PKNOX2: variants seen among roughly 807,000 people sequenced by gnomAD.
PKNOX2 encodes the protein PBX/knotted 1 homeobox 2.
PKNOX2 carries 14 observed loss-of-function variants against 53.1 expected under a neutral mutation model. The observed-to-expected ratio is 0.26, with a 90% confidence interval of 0.17 to 0.41. The LOEUF (loss-of-function observed/expected upper bound fraction) is 0.41. Ranked by LOEUF, PKNOX2 falls within the 10% of genes least tolerant of loss-of-function variation. PKNOX2 has a pLI of 1.00. For synonymous variants in PKNOX2, 257 were observed against 242.8 expected, an observed-to-expected ratio of 1.06 and a Z score of -0.54; for missense variants, 496 against 602.8, an observed-to-expected ratio of 0.82 and a Z score of 1.85.
intron 2 of PKNOX2, among the ~76,000 whole-genome samples, chr11:125,254,300 G>T (rs1274090153): frequency 2.0e-5 from 3 of 152,216 alleles, no homozygotes; most frequent in Admixed American, 1.3e-4. Flanking sequence ...ATTTGCCAGG[G>T]CTGCAAAGGG....
chr11:125,333,546 A>G (rs920587948), intron 3 of PKNOX2, among the ~76,000 whole-genome samples: 6 of 141,766 alleles, frequency 4.2e-5, no homozygotes, highest in African/African-American at 1.9e-4. Context: ...ACACACACAC[A>G]CATACACACA....
chr11:125,209,204 C>T (rs1939529142), intron 1 of PKNOX2, among the ~76,000 whole-genome samples: 1 of 152,040 alleles, frequency 6.6e-6, no homozygotes, highest in Admixed American at 6.6e-5. Flanking sequence ...GGTGGGGAGA[C>T]TTTAAATCCA....
intron 7 of PKNOX2, among the ~76,000 whole-genome samples, chr11:125,400,715 C>T (rs1954693939): frequency 6.6e-6 from 1 of 152,198 alleles, no homozygotes; most frequent in Admixed American, 6.5e-5. Context: ...GATGCCCCAT[C>T]CAGAATGGAC....
intron 1 of PKNOX2, among the ~76,000 whole-genome samples, chr11:125,222,660 G>T (rs1236555658): frequency 7.3e-6 from 1 of 137,578 alleles, no homozygotes; most frequent in Non-Finnish European, 1.6e-5. Flanking sequence ...TGTGTGCTGT[G>T]TATGTGTGTG....
rs569667555 is a variant in PKNOX2, at chr11:125,389,659, C to G, written c.399+3937C>G. 2.0e-5 allele frequency among the ~76,000 whole-genome samples: 3 copies of G among 152,286 alleles called. No homozygotes were observed. The East Asian group carries it at 5.8e-4, about 29-fold the overall frequency. ...GTAAAATTTGCAAGTTCCCCAAAAC[C>G]CTTTGAAAGGTAAAAGCTTTTTGTT... On this transcript the variant is annotated intron_variant, in intron 6 of 12. Coordinates refer to ENST00000298282, the MANE Select transcript of PKNOX2 (RefSeq NM_001382323.2).
intron 9 of PKNOX2, chr11:125,411,462 TTC>T (rs3028442): frequency 0.17 from 43,426 of 250,166 alleles, 1,975 homozygotes; most frequent in Non-Finnish European, 0.2. Context: ...TCCTCTGTCT[TTC>T]TCTCTCTCTC....
intron 2 of PKNOX2, among the ~76,000 whole-genome samples, chr11:125,295,848 C>A (rs1165998344): frequency 2.0e-5 from 3 of 152,164 alleles, no homozygotes; most frequent in Non-Finnish European, 4.4e-5. Flanking sequence ...TTCTGCCTTC[C>A]CTCCTTCTGT....
At chr11:125,297,486 A>G (rs1947733490) in intron 2 of PKNOX2, among the ~76,000 whole-genome samples, 1 of 152,224 alleles carries the variant, frequency 6.6e-6, no homozygotes. Flanking sequence ...GTCTGACAGC[A>G]TGAGTAGGAA....
chr11:125,201,058 C>T (rs1938378836), intron 1 of PKNOX2, among the ~76,000 whole-genome samples: 2 of 152,180 alleles, frequency 1.3e-5, no homozygotes, highest in African/African-American at 2.4e-5. Context: ...CAGCCTGGGG[C>T]CACCTTCTCT....
At chr11:125,274,789 G>A (rs1946047171) in intron 2 of PKNOX2, among the ~76,000 whole-genome samples, 1 of 152,170 alleles carries the variant, frequency 6.6e-6, no homozygotes, top group Non-Finnish European at 1.5e-5. Context: ...GAATAAATGG[G>A]AACTCTTGCT....
At chr11:125,380,024 C>T (rs1953115275) in intron 5 of PKNOX2, among the ~76,000 whole-genome samples, 1 of 151,624 alleles carries the variant, frequency 6.6e-6, no homozygotes, top group Non-Finnish European at 1.5e-5. Context: ...GGATGGGGGA[C>T]TCAGAAAGGA....
intron 2 of PKNOX2, among the ~76,000 whole-genome samples, chr11:125,268,000 T>C (rs528100475): frequency 6.6e-6 from 1 of 152,304 alleles, no homozygotes; most frequent in Admixed American, 6.5e-5. Context: ...AACTTAAAAC[T>C]CAGGGAGTCA....
intron 2 of PKNOX2, among the ~76,000 whole-genome samples, chr11:125,257,366 C>A (rs1944485608): frequency 6.6e-6 from 1 of 152,178 alleles, no homozygotes; most frequent in South Asian, 2.1e-4. Context: ...TCTTCATGGC[C>A]TCCAATGGTC....
chr11:125,411,660 C>T (rs763902782), intron 9 of PKNOX2, 86 bp from the exon 10 acceptor site: 4 of 1,607,052 alleles, frequency 2.5e-6, no homozygotes, highest in South Asian at 1.1e-5. Context: ...GGCTGGCAGC[C>T]AAGCCTGCCG....
At chr11:125,248,842 A>C (rs1251959653) in intron 2 of PKNOX2, among the ~76,000 whole-genome samples, 3 of 147,154 alleles carry the variant, frequency 2.0e-5, no homozygotes, top group Non-Finnish European at 4.5e-5. Flanking sequence ...GTGATCCTCC[A>C]TCCATATAAC....
chr11:125,177,751 G>T (rs1365823154), intron 1 of PKNOX2, among the ~76,000 whole-genome samples: 4 of 152,166 alleles, frequency 2.6e-5, no homozygotes, highest in Admixed American at 2.0e-4. Context: ...AAGGCTGTGG[G>T]CTGTGGGCCT....
At chr11:125,190,535 C>G (rs758414326) in intron 1 of PKNOX2, among the ~76,000 whole-genome samples, 46 of 152,348 alleles carry the variant, frequency 3.0e-4, no homozygotes, top group Non-Finnish European at 5.6e-4. Context: ...AATCAAACAT[C>G]TTAGTCTGGC....
chr11:125,184,437 A>G (rs1294523255), intron 1 of PKNOX2: 1 of 152,236 alleles, frequency 6.6e-6, no homozygotes, highest in East Asian at 1.9e-4. Flanking sequence ...TTTTTCCATT[A>G]GAAACCCTGT....
chr11:125,170,189 C>T (rs1228942966), intron 1 of PKNOX2, among the ~76,000 whole-genome samples: 2 of 152,184 alleles, frequency 1.3e-5, no homozygotes, highest in African/African-American at 2.4e-5. Context: ...CAAGAAGTTA[C>T]ACCCGGCACT....
Sources: allele counts gnomAD v4.1 joint callset (sites outside exome capture counted in the v4.1 genomes callset), GRCh38; gene constraint gnomAD v4.1.1; transcripts MANE v1.5; gene names NCBI Gene and HGNC (gene_info 2026-07-23, HGNC 2026-07-21).